Variants in TNS3 observed in about 807,000 individuals in gnomAD.
The protein encoded by TNS3 is tensin 3.
TNS3 carries 45 observed loss-of-function variants against 140.9 expected under a neutral mutation model. The observed-to-expected ratio is 0.32, with a 90% CI of 0.25 to 0.41. TNS3 has a LOEUF of 0.41. Among genes scored for constraint, TNS3 ranks in the 10% least tolerant of loss-of-function variants. TNS3 has a pLI of 1.00. For synonymous variants in TNS3, 815 were observed against 788.4 expected (o/e 1.03, Z -0.56); for missense variants, 1,716 against 1,906.7 (o/e 0.90, Z 1.86).
chr7:47,436,607 A>C (rs1325292100), intron 7 of TNS3, among the ~76,000 whole-genome samples: 1 of 152,166 alleles, frequency 6.6e-6, no homozygotes, highest in Non-Finnish European at 1.5e-5. Context: ...ATTTGAAAAA[A>C]TTTTAAAAAT....
intron 16 of TNS3, among the ~76,000 whole-genome samples, chr7:47,389,109 C>CGGAAGCGGAAGAAGAAGAAGA (rs1554310453): frequency 1.7e-5 from 1 of 59,078 alleles, no homozygotes; most frequent in African/African-American, 6.8e-5. Flanking sequence ...GAAGCGGAAG[C>CGGAAGCGGAAGAAGAAGAAGA]AGAAGAAGAA....
At chr7:47,493,726 G>T (rs1332019479) in intron 3 of TNS3, among the ~76,000 whole-genome samples, 1 of 151,538 alleles carries the variant, frequency 6.6e-6, no homozygotes, top group Non-Finnish European at 1.5e-5. Flanking sequence ...TACTTGGGAG[G>T]CTGAGGCAGG....
intron 23 of TNS3, among the ~76,000 whole-genome samples, chr7:47,300,749 G>A (rs749749379): frequency 1.3e-5 from 2 of 152,216 alleles, no homozygotes; most frequent in Admixed American, 6.5e-5. Flanking sequence ...AGCTGGAGGA[G>A]GTGCCGAGGC....
intron 1 of TNS3, chr7:47,579,567 T>G (rs1055512178): frequency 6.6e-6 from 1 of 151,962 alleles, no homozygotes; most frequent in Non-Finnish European, 1.5e-5. Context: ...CTCAGGAAGG[T>G]GGAAAGTTCC....
chr7:47,413,993 G>GCACA lies in TNS3; in HGVS notation c.587_590dup (p.Arg198ValfsTer59). 1.2e-6 allele frequency: 2 copies of GCACA among 1,613,638 alleles called. No homozygotes were observed. The highest frequency in any genetic ancestry group is 1.7e-6 in the Non-Finnish European group (2 of 1,179,864). ...CTTGGTAGAGCTTCAGAAAGGGCCG[G>GCACA]CACACTGAAAGAAAGGCACAACTGT... is the stretch of plus-strand genomic sequence containing the variant. On this transcript the variant is annotated frameshift_variant, in exon 12 of 31. Transcript: ENST00000311160. LOFTEE classifies it high-confidence loss of function.
chr7:47,460,481 A>G (rs1465644058), intron 4 of TNS3, among the ~76,000 whole-genome samples: 2 of 152,158 alleles, frequency 1.3e-5, no homozygotes, highest in Non-Finnish European at 2.9e-5. Flanking sequence ...AAGCTCTGAG[A>G]TGCCTGGTGG....
At chr7:47,570,129 G>A (rs548084183) in intron 1 of TNS3, among the ~76,000 whole-genome samples, 2 of 152,214 alleles carry the variant, frequency 1.3e-5, no homozygotes, top group Admixed American at 6.5e-5. Context: ...CAGCCTGGGC[G>A]ACAAGAGCGA....
chr7:47,543,373 C>T (rs186689028), intron 1 of TNS3, among the ~76,000 whole-genome samples: 131 of 152,204 alleles, frequency 8.6e-4, no homozygotes, highest in Admixed American at 1.8e-3. Flanking sequence ...ACTTTCGGTA[C>T]GTCAAGTCCC....
At chr7:47,423,631 T>C (rs1343753557) in intron 10 of TNS3, among the ~76,000 whole-genome samples, 1 of 152,252 alleles carries the variant, frequency 6.6e-6, no homozygotes, top group Non-Finnish European at 1.5e-5. Flanking sequence ...TTTATTGCAA[T>C]ACAGCCACAT....
At chr7:47,367,613 C>T (rs1303857711) in intron 17 of TNS3, among the ~76,000 whole-genome samples, 1 of 152,178 alleles carries the variant, frequency 6.6e-6, no homozygotes, top group Non-Finnish European at 1.5e-5. Context: ...AGCATGACCC[C>T]GGCCTGGTTT....
chr7:47,471,380 T>G (rs568586948), intron 4 of TNS3, among the ~76,000 whole-genome samples: 1 of 152,208 alleles, frequency 6.6e-6, no homozygotes, highest in African/African-American at 2.4e-5. Flanking sequence ...CTCTGGGAAC[T>G]GGGCTGAGCT....
chr7:47,400,569 T>C (rs1044306783), intron 14 of TNS3, 111 bp from the exon 15 acceptor site: 1 of 1,281,872 alleles, frequency 7.8e-7, no homozygotes, highest in African/African-American at 1.5e-5. Context: ...AAATCTGCAA[T>C]AAAGACACCC....
chr7:47,302,902 C>A, intron 22 of TNS3, 48 bp downstream of exon 22: 1 of 1,545,308 alleles, frequency 6.5e-7, no homozygotes, highest in South Asian at 1.3e-5. Flanking sequence ...TTCCCTTCCC[C>A]AGTGAATGGA....
At chr7:47,522,704 G>A (rs937457752) in intron 2 of TNS3, among the ~76,000 whole-genome samples, 5 of 152,130 alleles carry the variant, frequency 3.3e-5, no homozygotes, top group Non-Finnish European at 4.4e-5. Context: ...CAAAGCAGGC[G>A]GATCATGAGG....
At chr7:47,427,750 C>T (rs1229168460) in intron 9 of TNS3, among the ~76,000 whole-genome samples, 1 of 152,232 alleles carries the variant, frequency 6.6e-6, no homozygotes, top group East Asian at 1.9e-4. Context: ...GCTCTCCACT[C>T]CTAGGCTGTG....
In TNS3 at chr7:47,377,727, C is replaced by T. The variant is rs573796821; in HGVS notation, c.1025-8106G>A. Among the ~76,000 whole-genome samples the T allele has an allele frequency of 1.3e-3, 197 of 151,172 alleles. 1 individual carries two copies. The highest frequency in any genetic ancestry group is 1.8e-3 in the Non-Finnish European group (122 of 67,818). ...CTTTTTCCCCCTCCTCCCTTTCCTC[C>T]TCCTTCTCCTCCTCCCTTTCCTCTT... is the stretch of plus-strand genomic sequence containing the variant. On this transcript the variant is annotated intron_variant, in intron 16 of 30. Coordinates refer to ENST00000311160, the MANE Select transcript of TNS3 (RefSeq NM_022748.12).
chr7:47,434,046 T>C (rs1795055948), intron 8 of TNS3, among the ~76,000 whole-genome samples: 1 of 151,886 alleles, frequency 6.6e-6, no homozygotes, highest in Non-Finnish European at 1.5e-5. Flanking sequence ...GGGGGGAAAA[T>C]ATGATCAAGT....
chr7:47,415,708 C>T (rs1297329618), intron 10 of TNS3, among the ~76,000 whole-genome samples: 11 of 152,268 alleles, frequency 7.2e-5, no homozygotes, highest in East Asian at 1.9e-4. Flanking sequence ...CCCCTCCTAT[C>T]CCGCAGCCTT....
At chr7:47,398,780 C>T (rs1054337069) in intron 15 of TNS3, among the ~76,000 whole-genome samples, 3 of 152,078 alleles carry the variant, frequency 2.0e-5, no homozygotes, top group Non-Finnish European at 4.4e-5. Context: ...GGATGCCTAC[C>T]TTCACCACTT....
Sources: gnomAD v4.1 joint callset for allele counts (sites outside exome capture counted in the v4.1 genomes callset) on GRCh38, gnomAD v4.1.1 for gene constraint, MANE v1.5 for transcripts, NCBI Gene and HGNC (gene_info 2026-07-23, HGNC 2026-07-21) for gene names.